Variants in FASTKD2 observed in about 807,000 individuals in gnomAD.
The protein encoded by FASTKD2 is FAST kinase domains 2.
A neutral mutation model predicts 63.6 loss-of-function variants in FASTKD2; 51 were observed. The observed-to-expected ratio is 0.80, with a 90% CI of 0.64 to 1.01. The LOEUF is 1.01. Among genes scored for constraint, FASTKD2 ranks in the 50% least tolerant of loss-of-function variants. FASTKD2 has a pLI of 0.00. For missense variants in FASTKD2, 786 were observed against 831.1 expected, an observed-to-expected ratio of 0.95 and a Z score of 0.67; for synonymous variants, 284 against 293.4, an observed-to-expected ratio of 0.97 and a Z score of 0.33.
chr2:206,780,379 G>A (rs1269607675), intron 7 of FASTKD2, among the ~76,000 whole-genome samples: 3 of 152,120 alleles, frequency 2.0e-5, no homozygotes, highest in Admixed American at 6.5e-5. Context: ...TAGGATTATT[G>A]GTTGGCAATT....
At chr2:206,766,280 AAAAAACAG>A (rs1559356921) in intron 1 of FASTKD2, among the ~76,000 whole-genome samples, 1 of 151,160 alleles carries the variant, frequency 6.6e-6, no homozygotes, top group African/African-American at 2.4e-5. Flanking sequence ...AAAAAAAAAA[AAAAAACAG>A]AGAAGAGAAA....
At chr2:206,791,111 T>A (rs558250808) in intron 11 of FASTKD2, 30 of 223,756 alleles carry the variant, frequency 1.3e-4, no homozygotes, top group East Asian at 2.3e-4. Context: ...TTTAAGAAGA[T>A]GGGTCTTTCT....
intron 7 of FASTKD2, among the ~76,000 whole-genome samples, chr2:206,775,251 A>G (rs1242857519): frequency 6.6e-6 from 1 of 151,926 alleles, no homozygotes; most frequent in Non-Finnish European, 1.5e-5. Flanking sequence ...ATTCTTATGA[A>G]TTGAAATATA....
intron 3 of FASTKD2, among the ~76,000 whole-genome samples, chr2:206,770,893 G>C (rs899664252): frequency 6.6e-6 from 1 of 152,092 alleles, no homozygotes; most frequent in East Asian, 1.9e-4. Context: ...AGATTAGTGA[G>C]AGTAAAACTT....
At chr2:206,767,592 A>G (rs1689559108) in intron 2 of FASTKD2, 122 bp downstream of exon 2, 4 of 787,166 alleles carry the variant, frequency 5.1e-6, no homozygotes, top group Admixed American at 2.4e-5. Flanking sequence ...AGTTTCCTTT[A>G]TATTTATTTC....
chr2:206,790,246 A>C, intron 10 of FASTKD2: 1 of 290,594 alleles, frequency 3.4e-6, no homozygotes, highest in Admixed American at 4.7e-5. Context: ...AAATAATTAT[A>C]CTCAGATCAG....
Position 206,772,316 on chromosome 2 carries a change from G to C in FASTKD2, c.1250G>C (p.Arg417Thr). ...GCAACTTTCGACATCTGGAAGTTCA[G>C]AAAAGTGAGTACATTAACAATTTAG... is the stretch of plus-strand genomic sequence containing the variant. The part of the protein sequence containing the change: ...VAATFDIWKF[R>T]KVLFILILFE... Residue 417 changes from arginine to threonine, a missense_variant, in exon 6 of 12, where the codon AGA (arginine) becomes ACA (threonine). By Grantham distance (71) the Arg-to-Thr change is moderately conservative. Transcript: ENST00000402774. 1 of 1,613,818 alleles carries C rather than the reference G, an allele frequency of 6.2e-7. No individual in the cohort carries two copies. The highest frequency in any genetic ancestry group is 8.5e-7 in the Non-Finnish European group (1 of 1,179,748).
intron 7 of FASTKD2, among the ~76,000 whole-genome samples, chr2:206,783,776 G>T (rs1451351320): frequency 6.6e-6 from 1 of 152,158 alleles, no homozygotes; most frequent in African/African-American, 2.4e-5. Flanking sequence ...CATGAATGTT[G>T]TCTTTTTGTC....
At chr2:206,766,116 C>G (rs914933534) in intron 1 of FASTKD2, among the ~76,000 whole-genome samples, 1 of 151,656 alleles carries the variant, frequency 6.6e-6, no homozygotes, top group African/African-American at 2.4e-5. Flanking sequence ...AAAAATTAGC[C>G]GGGCGTGGTG....
rs150896562 is a variant in FASTKD2, at chr2:206,783,861, G to T, written c.1428-2872G>T. ...TTGCCTCCCAGGGGACATTTGGCAA[G>T]GTATGGAGATGGTTTTTAGTTGCCA... On this transcript the variant is annotated intron_variant, in intron 7 of 11. Coordinates refer to ENST00000402774, the MANE Select transcript of FASTKD2 (RefSeq NM_001136193.2). Among the ~76,000 whole-genome samples the T allele has an allele frequency of 8.5e-3, 1,291 of 152,280 alleles. 25 individuals carry two copies. Among genetic ancestry groups the T allele is most frequent in the African/African-American group, 0.029 (1,218 of 41,554 alleles).
rs1313876076 is a variant in FASTKD2, at chr2:206,788,005, C to T, written c.1663C>T (p.Leu555=). 6.2e-7 allele frequency: 1 copy of T among 1,613,514 alleles called. No individual in the cohort carries two copies. The highest frequency in any genetic ancestry group is 8.5e-7 in the Non-Finnish European group (1 of 1,179,488). ...TCTAAAACTTGATGATACTGTCTAT[C>T]TGAGGGACATAGCCTTGTCACTCCC... ...TCLKLDDTVY[L]RDIALSLPQL... is the part of the protein sequence containing the mutation. Residue 555 remains leucine, a synonymous_variant, in exon 9 of 12, where the codon CTG becomes TTG. Transcript: ENST00000402774.
intron 7 of FASTKD2, among the ~76,000 whole-genome samples, chr2:206,778,749 G>A (rs1262664288): frequency 6.6e-6 from 1 of 151,920 alleles, no homozygotes; most frequent in Non-Finnish European, 1.5e-5. Context: ...AGCAGGAGGT[G>A]AGTGGCAGGC....
intron 2 of FASTKD2, among the ~76,000 whole-genome samples, chr2:206,768,970 A>G (rs1158669122): frequency 6.6e-6 from 1 of 152,176 alleles, no homozygotes; most frequent in East Asian, 1.9e-4. Flanking sequence ...CTAATAAATC[A>G]CCTTACCTGG....
rs1313480231 is a variant in FASTKD2, at chr2:206,778,898, C to G, written c.1427+4501C>G. ...GAATCTAATGCCTTATGAAACACCC[C>G]CCTATGCCCAGTCTGGAAAAATTGT... On this transcript the variant is annotated intron_variant, in intron 7 of 11. Transcript: ENST00000402774. 2.0e-5 allele frequency among the ~76,000 whole-genome samples: 3 copies of G among 152,250 alleles called. No individual in the cohort carries two copies. The East Asian group carries it at 5.8e-4, about 29-fold the overall frequency.
intron 2 of FASTKD2, among the ~76,000 whole-genome samples, chr2:206,767,776 G>T (rs145846437): frequency 1.3e-5 from 2 of 152,322 alleles, no homozygotes; most frequent in African/African-American, 4.8e-5. Context: ...TGAAGAAGGA[G>T]AGAAGGGAAG....
At chr2:206,788,690 C>G (rs1014166566) in intron 9 of FASTKD2, 129 bp from the exon 10 acceptor site, 4 of 632,438 alleles carry the variant, frequency 6.3e-6, no homozygotes, top group African/African-American at 6.0e-5. Flanking sequence ...TGAGATCACA[C>G]TACTGCACTC....
At chr2:206,785,162 C>T (rs1399158372) in intron 7 of FASTKD2, among the ~76,000 whole-genome samples, 1 of 152,138 alleles carries the variant, frequency 6.6e-6, no homozygotes, top group Non-Finnish European at 1.5e-5. Flanking sequence ...TTATTGACTA[C>T]CACAAGAAGA....
Position 206,766,737 on chromosome 2 carries a change from G to A in FASTKD2, c.44G>A (p.Ser15Asn), listed in dbSNP as rs3762568. 139,818 of 1,613,708 alleles carry A rather than the reference G, an allele frequency of 0.087. 7,451 individuals are homozygous for A. The highest frequency in any genetic ancestry group is 0.25 in the African/African-American group (18,522 of 74,962). The change falls in exon 2 of 12, where the codon AGC (serine) becomes AAC (asparagine). Residue 15 changes from serine (S) to asparagine (N), a missense_variant. Coordinates refer to ENST00000402774, the MANE Select transcript of FASTKD2 (RefSeq NM_001136193.2). ...CCATTTGGAAGTGTTTCAGTGGAGA[G>A]CAAAATGAATAACAAAGCGGGCTCC... ...LKPFGSVSVE[S>N]KMNNKAGSFF... is the part of the protein sequence containing the mutation.
At position 206,767,121 on chromosome 2, in the gene FASTKD2, A is replaced by G; in HGVS notation, c.428A>G (p.Asp143Gly). The change falls in exon 2 of 12, where the codon GAT becomes GGT. Residue 143 changes from aspartate (D) to glycine (G), a missense_variant. Coordinates refer to ENST00000402774, the MANE Select transcript of FASTKD2 (RefSeq NM_001136193.2). The stretch of plus-strand genomic sequence containing the variant: ...CTTAATCATGAAGTCTCCAATGAAG[A>G]TGTTCTTACCAAGGAAACAAAACCA... The part of the protein sequence containing the change: ...VNLNHEVSNE[D>G]VLTKETKPNR... 1 of 1,614,094 alleles carries G rather than the reference A, an allele frequency of 6.2e-7. No individual in the cohort carries two copies. The highest frequency in any genetic ancestry group is 8.5e-7 in the Non-Finnish European group (1 of 1,179,940).
Sources: gnomAD v4.1 joint callset for allele counts (sites outside exome capture counted in the v4.1 genomes callset) on GRCh38, gnomAD v4.1.1 for gene constraint, MANE v1.5 for transcripts, NCBI Gene and HGNC (gene_info 2026-07-23, HGNC 2026-07-21) for gene names.